Variants in STK39 observed in about 807,000 individuals in gnomAD.
The protein encoded by STK39 is STE20/SPS1-related proline-alanine-rich protein kinase.
A neutral mutation model predicts 77.8 loss-of-function variants in STK39; 20 were observed. The ratio of observed to expected loss-of-function variants is 0.26; its 90% confidence interval spans 0.18 to 0.37. STK39 has a LOEUF of 0.37. Among genes scored for constraint, STK39 ranks in the 10% least tolerant of loss-of-function variants. The pLI is 1.00. For missense variants in STK39, 479 were observed against 656.5 expected, an observed-to-expected ratio of 0.73 and a Z score of 2.95; for synonymous variants, 246 against 234.1, an observed-to-expected ratio of 1.05 and a Z score of -0.47.
chr2:168,004,682 G>A lies in STK39; in HGVS notation c.1498+7952C>T, dbSNP rs999921575. Among the ~76,000 whole-genome samples the A allele has an allele frequency of 2.7e-5, 4 of 148,396 alleles. No homozygotes were observed. The South Asian group carries it at 8.6e-4, about 32-fold the overall frequency. On this transcript the variant is annotated intron_variant, in intron 16 of 17. Coordinates refer to ENST00000355999, the MANE Select transcript of STK39 (RefSeq NM_013233.3). ...TGGGAGGTGGAGCTTGCAGTCAGCCGAGATTGCACCATTGCACTCTAGCCT... is the reference window on the plus strand; with the variant it reads ...TGGGAGGTGGAGCTTGCAGTCAGCCAAGATTGCACCATTGCACTCTAGCCT...
intron 10 of STK39, among the ~76,000 whole-genome samples, chr2:168,099,066 G>C (rs564858843): frequency 1.3e-5 from 2 of 152,322 alleles, no homozygotes; most frequent in Admixed American, 6.5e-5. Flanking sequence ...CCAGCAAATG[G>C]CTATCTACAA....
chr2:168,022,661 T>C (rs1254037234), intron 14 of STK39, among the ~76,000 whole-genome samples: 1 of 152,218 alleles, frequency 6.6e-6, no homozygotes, highest in Non-Finnish European at 1.5e-5. Flanking sequence ...TCTATTACCA[T>C]TCATTAGTGA....
chr2:168,163,521 A>G (rs1688626872), intron 4 of STK39: 1 of 870,502 alleles, frequency 1.1e-6, no homozygotes, highest in Non-Finnish European at 1.4e-6. Flanking sequence ...TTTCCCATCT[A>G]TTTAGACTAA....
intron 14 of STK39, among the ~76,000 whole-genome samples, chr2:168,027,652 A>G (rs1684734827): frequency 1.3e-5 from 2 of 152,204 alleles, no homozygotes; most frequent in Admixed American, 6.5e-5. Context: ...ACAAATACGC[A>G]CAAGGTTTTC....
intron 17 of STK39, 119 bp from the exon 18 acceptor site, chr2:167,955,689 A>C: frequency 2.1e-6 from 2 of 938,136 alleles, no homozygotes; most frequent in South Asian, 3.3e-5. Context: ...CATGTGTCCC[A>C]TTTCTTCCAG....
intron 1 of STK39, among the ~76,000 whole-genome samples, chr2:168,229,277 C>G (rs2105256873): frequency 6.6e-6 from 1 of 151,636 alleles, no homozygotes; most frequent in East Asian, 2.0e-4. Flanking sequence ...CCCAGCTACT[C>G]CAGAGGCTGA....
rs546181717 is a variant in STK39 at position 168,203,903 on chromosome 2, T to A, written c.209-21813A>T. On this transcript the variant is annotated intron_variant, in intron 1 of 17. Transcript: ENST00000355999. ...GCCACCGCACCCAGCCAGAGCTGAG[T>A]CGTCTTATCACTTAAAATGGTGTTG... Among the ~76,000 whole-genome samples, 8 of 152,244 alleles carry A rather than the reference T, an allele frequency of 5.3e-5. No homozygotes were observed. The South Asian group carries it at 1.2e-3, about 24-fold the overall frequency.
intron 5 of STK39, 144 bp downstream of exon 5, chr2:168,161,643 A>G (rs1012308383): frequency 1.6e-5 from 9 of 559,960 alleles, no homozygotes; most frequent in Non-Finnish European, 2.7e-5. Context: ...AAAATATGTT[A>G]TCCTTCGGAC....
At chr2:168,063,196 TA>T (rs58393316) in intron 14 of STK39, among the ~76,000 whole-genome samples, 118,945 of 150,978 alleles carry the variant, frequency 0.79, 47,202 homozygotes, top group African/African-American at 0.86. Context: ...TCTTACATTG[TA>T]AAAAAAAAGA....
chr2:168,156,804 G>C (rs1264444312), intron 5 of STK39, among the ~76,000 whole-genome samples: 1 of 152,212 alleles, frequency 6.6e-6, no homozygotes, highest in Admixed American at 6.5e-5. Context: ...GCTCATAAAT[G>C]TGATGACATC....
intron 16 of STK39, among the ~76,000 whole-genome samples, chr2:168,001,377 G>C (rs959363551): frequency 6.6e-6 from 1 of 151,742 alleles, no homozygotes; most frequent in Non-Finnish European, 1.5e-5. Context: ...TAAATCTATC[G>C]GCAGGTGACC....
In STK39 at chr2:168,247,498, CT is replaced by C; in HGVS notation, c.-64del. 8.3e-7 allele frequency: 1 copy of C among 1,211,964 alleles called. No individual in the cohort carries two copies. Among genetic ancestry groups the C allele is most frequent in the Non-Finnish European group, 1.0e-6 (1 of 960,340 alleles). 75.1% of individuals were successfully genotyped at this position (1,211,964 alleles called of 1,614,324 possible). On this transcript the variant is annotated 5_prime_UTR_variant, in exon 1 of 18. Coordinates refer to ENST00000355999, the MANE Select transcript of STK39 (RefSeq NM_013233.3). The stretch of plus-strand genomic sequence containing the variant: ...CGGACGACCTTCCACTTGAAACTTC[CT>C]TTGCCTCGCCGCCGACACCTCTCGG...
chr2:168,026,730 A>G (rs1684708088), intron 14 of STK39, among the ~76,000 whole-genome samples: 1 of 152,230 alleles, frequency 6.6e-6, no homozygotes, highest in African/African-American at 2.4e-5. Flanking sequence ...GAGAGGCACT[A>G]TAGACGGGAA....
intron 8 of STK39, among the ~76,000 whole-genome samples, chr2:168,132,553 T>C (rs1687726189): frequency 6.6e-6 from 1 of 152,214 alleles, no homozygotes; most frequent in African/African-American, 2.4e-5. Context: ...CACTCATCTC[T>C]TGATCTTTCG....
Position 168,165,839 on chromosome 2 carries a change from G to C in STK39, c.430+1460C>G, listed in dbSNP as rs534938455. On this transcript the variant is annotated intron_variant, in intron 3 of 17. Transcript: ENST00000355999. ...CCTCGACATCTGCAGATTAAAATAG[G>C]CTCTATCATATAAATTCTGCTATGC... is the stretch of plus-strand genomic sequence containing the variant. 9.9e-5 allele frequency among the ~76,000 whole-genome samples: 15 copies of C among 152,184 alleles called. No individual in the cohort carries two copies. In the South Asian group the frequency reaches 3.1e-3, roughly 32 times the overall value.
chr2:168,245,325 A>T (rs749588300), intron 1 of STK39, among the ~76,000 whole-genome samples: 1 of 152,100 alleles, frequency 6.6e-6, no homozygotes, highest in Non-Finnish European at 1.5e-5. Flanking sequence ...ATCCTATAGG[A>T]TCCTTTCCCT....
intron 14 of STK39, among the ~76,000 whole-genome samples, chr2:168,017,677 T>C (rs187279173): frequency 4.6e-5 from 7 of 152,172 alleles, no homozygotes; most frequent in Non-Finnish European, 1.0e-4. Flanking sequence ...CTGGCCAATA[T>C]AATTTTATTA....
intron 2 of STK39, among the ~76,000 whole-genome samples, chr2:168,176,135 T>C (rs901466579): frequency 7.2e-5 from 11 of 152,190 alleles, no homozygotes; most frequent in African/African-American, 2.2e-4. Flanking sequence ...GTTGATGCGA[T>C]AAAGAAAACA....
At chr2:168,210,317 T>C (rs1689858988) in intron 1 of STK39, among the ~76,000 whole-genome samples, 1 of 152,216 alleles carries the variant, frequency 6.6e-6, no homozygotes, top group Non-Finnish European at 1.5e-5. Flanking sequence ...AAAGTTCACC[T>C]CAAAGGTCAT....
Sources: allele counts gnomAD v4.1 joint callset (sites outside exome capture counted in the v4.1 genomes callset), GRCh38; gene constraint gnomAD v4.1.1; transcripts MANE v1.5; gene names NCBI Gene and HGNC (gene_info 2026-07-23, HGNC 2026-07-21).